Variants in ADGRE5 observed in about 807,000 individuals in gnomAD.
ADGRE5 encodes CD97 molecule.
In ADGRE5, 72 loss-of-function variants were observed where a neutral mutation model predicts 100.3. The observed-to-expected ratio is 0.72, with a 90% CI of 0.59 to 0.87. The LOEUF is 0.87. Ranked by LOEUF, ADGRE5 falls within the 40% of genes least tolerant of loss-of-function variation. The pLI, the probability that ADGRE5 is intolerant of heterozygous loss-of-function variation, is 0.00. For synonymous variants in ADGRE5, 439 were observed against 447.8 expected, an observed-to-expected ratio of 0.98 and a Z score of 0.25; for missense variants, 959 against 1,094.7, an observed-to-expected ratio of 0.88 and a Z score of 1.75.
chr19:14,400,686 G>C (rs924617042), intron 9 of ADGRE5, among the ~76,000 whole-genome samples: 1 of 151,994 alleles, frequency 6.6e-6, no homozygotes, highest in African/African-American at 2.4e-5. Flanking sequence ...TAGCTACTAG[G>C]GAGGCTGAGG....
In ADGRE5 at chr19:14,401,839, T is replaced by C. The variant is rs1976025645; in HGVS notation, c.1183+79T>C. The stretch of plus-strand genomic sequence containing the variant: ...GATGGGGCCAGGGTGAGGTTCAGAA[T>C]AGAACAACTGACTGGGCGCGGTGGC... On this transcript the variant is annotated intron_variant, in intron 11 of 19. Coordinates refer to ENST00000242786, the MANE Select transcript of ADGRE5 (RefSeq NM_078481.4). The surrounding 1 kb of genome is among the most constrained non-coding windows in gnomAD (Gnocchi z 4.1). 9.0e-6 allele frequency: 9 copies of C among 999,798 alleles called. No individual in the cohort carries two copies. Among genetic ancestry groups the C allele is most frequent in the Non-Finnish European group, 1.3e-5 (9 of 693,742 alleles). The allele number at this position is 999,798 out of a possible 1,614,324, so 61.9% of individuals were successfully genotyped here.
At chr19:14,393,360 C>T (rs888800510) in intron 4 of ADGRE5, among the ~76,000 whole-genome samples, 5 of 152,214 alleles carry the variant, frequency 3.3e-5, no homozygotes, top group African/African-American at 4.8e-5. Context: ...TCTACCCCTG[C>T]GCAGAGGCCA....
chr19:14,400,051 G>A (rs1287518158), intron 9 of ADGRE5, among the ~76,000 whole-genome samples: 6 of 150,556 alleles, frequency 4.0e-5, no homozygotes, highest in East Asian at 2.0e-4. Context: ...ACGGAGTCTC[G>A]CTCTGTCGCC....
At chr19:14,384,818 T>C (rs192608793) in intron 1 of ADGRE5, among the ~76,000 whole-genome samples, 48 of 151,982 alleles carry the variant, frequency 3.2e-4, no homozygotes, top group Non-Finnish European at 6.0e-4. Context: ...TGTCTGTCTC[T>C]ATCTCTCCGT....
chr19:14,390,530 G>A (rs1413610674), intron 3 of ADGRE5, among the ~76,000 whole-genome samples: 2 of 152,028 alleles, frequency 1.3e-5, no homozygotes, highest in South Asian at 4.1e-4. Flanking sequence ...TGCCATCTTG[G>A]CCAGGCTGGT....
chr19:14,406,013 C>G lies in ADGRE5; in HGVS notation c.1821+74C>G. 1 of 1,347,838 alleles carries G rather than the reference C, an allele frequency of 7.4e-7. No individual in the cohort carries two copies. Among genetic ancestry groups the G allele is most frequent in the Non-Finnish European group, 1.0e-6 (1 of 999,736 alleles). The allele number at this position is 1,347,838 out of a possible 1,614,324, so 83.5% of individuals were successfully genotyped here. ...GGGAGGGGTTAGCCCCGCCCACTCCCGGGGCTCAGTCGGGTAGGCGGGCCC... is the reference window on the plus strand; with the variant it reads ...GGGAGGGGTTAGCCCCGCCCACTCCGGGGGCTCAGTCGGGTAGGCGGGCCC... On this transcript the variant is annotated intron_variant, in intron 14 of 19. Transcript: ENST00000242786. The surrounding 1 kb of genome is among the most constrained non-coding windows in gnomAD (Gnocchi z 6.0).
At chr19:14,400,434 G>A (rs903394700) in intron 9 of ADGRE5, among the ~76,000 whole-genome samples, 5 of 152,056 alleles carry the variant, frequency 3.3e-5, no homozygotes, top group African/African-American at 7.2e-5. Flanking sequence ...AAGTACAGGC[G>A]TGCACCACCG....
chr19:14,408,097 C>T lies in ADGRE5; in HGVS notation c.2484C>T (p.Leu828=), dbSNP rs1976359660. The change falls in exon 20 of 20, where the codon CTC becomes CTT. Residue 828 remains leucine, a synonymous_variant. Coordinates refer to ENST00000242786, the MANE Select transcript of ADGRE5 (RefSeq NM_078481.4). ...CTCTGGGCTCTCCTCTCCAGGCCCT[C>T]AGGGCATCAGAGTCCGGCATATGAA... ...SGTGHNQTRA[L]RASESGI 1 of 1,613,718 alleles carries T rather than the reference C, an allele frequency of 6.2e-7. No individual in the cohort carries two copies. The highest frequency in any genetic ancestry group is 1.3e-5 in the African/African-American group (1 of 74,930).
At position 14,408,194 on chromosome 19, in the gene ADGRE5, C is replaced by T; in HGVS notation, c.*73C>T. ...TTTGTACACGAAGACCATCCATCCT[C>T]CCTTCGTCCACCACTCTACTCCCTC... is the stretch of plus-strand genomic sequence containing the variant. On this transcript the variant is annotated 3_prime_UTR_variant, in exon 20 of 20. Transcript: ENST00000242786. 1 of 1,515,124 alleles carries T rather than the reference C, an allele frequency of 6.6e-7. No homozygotes were observed. The highest frequency in any genetic ancestry group is 9.1e-7 in the Non-Finnish European group (1 of 1,100,014). 93.9% of individuals were successfully genotyped at this position (1,515,124 alleles called of 1,614,324 possible).
intron 4 of ADGRE5, among the ~76,000 whole-genome samples, chr19:14,393,939 T>TCAG (rs1487950673): frequency 1.3e-5 from 2 of 152,204 alleles, no homozygotes; most frequent in Non-Finnish European, 2.9e-5. Context: ...GGGCTGGTTT[T>TCAG]CAGCCCCTGC....
At position 14,390,952 on chromosome 19, in the gene ADGRE5, A is replaced by G. The variant is rs2146353806; in HGVS notation, c.219A>G (p.Lys73=). The change falls in exon 4 of 20, where the codon AAA becomes AAG. Residue 73 remains lysine, a synonymous_variant. Coordinates refer to ENST00000242786, the MANE Select transcript of ADGRE5 (RefSeq NM_078481.4). ...TCAACGAGTGTGCAACACCGTCGAA[A>G]GTGTCATGCGGAAAATTCTCGGACT... ...DDINECATPS[K]VSCGKFSDCW... is the part of the protein sequence containing the mutation. 6.2e-7 allele frequency: 1 copy of G among 1,614,208 alleles called. No individual in the cohort carries two copies. The highest frequency in any genetic ancestry group is 2.2e-5 in the East Asian group (1 of 44,882).
Position 14,404,499 on chromosome 19 carries a change from C to T in ADGRE5, c.1566C>T (p.Ser522=), listed in dbSNP as rs761443733. The change falls in exon 13 of 20, where the codon AGC becomes AGT. Residue 522 remains serine, a synonymous_variant. Coordinates refer to ENST00000242786, the MANE Select transcript of ADGRE5 (RefSeq NM_078481.4). ...GCQVLGSKNG[S]TTCQCSHLSS... is the part of the protein sequence containing the mutation. ...AGGTGCTGGGCAGCAAGAACGGCAG[C>T]ACCACCTGCCAATGCAGCCACCTGA... 5.6e-6 allele frequency: 9 copies of T among 1,611,724 alleles called. No homozygotes were observed. The South Asian group carries it at 8.8e-5, about 16-fold the overall frequency.
Position 14,397,284 on chromosome 19 carries a change from G to A in ADGRE5, c.625+61G>A. On this transcript the variant is annotated intron_variant, in intron 6 of 19. Transcript: ENST00000242786. The stretch of plus-strand genomic sequence containing the variant: ...CAAACATCTGATCACATGTTCAACG[G>A]CGCCCACACAAACCAAGCAGAATGA... 12 of 1,609,202 alleles carry A rather than the reference G, an allele frequency of 7.5e-6. No homozygotes were observed. The South Asian group carries it at 1.3e-4, about 18-fold the overall frequency.
At position 14,406,750 on chromosome 19, in the gene ADGRE5, T is replaced by A; in HGVS notation, c.2099T>A (p.Val700Glu). Residue 700 changes from valine to glutamate, a missense_variant, in exon 16 of 20, where the codon GTG becomes GAG. Around this residue, in one of 6 missense-constraint regions of ADGRE5, gnomAD observed 428 missense variants for 386.2 expected, o/e 1.11. Transcript: ENST00000242786. This position sits in a 1 kb window ranked among gnomAD's most constrained non-coding sequence, Gnocchi z 6.0. ...QGFLWSFLGP[V>E]TFIILCNAVI... ...TTCCTCTGGAGCTTCTTGGGACCTGTGACCTTCATCATTTTGGTAAGTACC... is the reference window on the plus strand; with the variant it reads ...TTCCTCTGGAGCTTCTTGGGACCTGAGACCTTCATCATTTTGGTAAGTACC... 6.2e-7 allele frequency: 1 copy of A among 1,614,166 alleles called. No homozygotes were observed. Among genetic ancestry groups the A allele is most frequent in the Non-Finnish European group, 8.5e-7 (1 of 1,180,014 alleles).
At chr19:14,407,847 GGGA>G in intron 18 of ADGRE5, 58 bp from the exon 19 acceptor site, 1 of 1,388,868 alleles carries the variant, frequency 7.2e-7, no homozygotes, top group Non-Finnish European at 1.0e-6. Flanking sequence ...GCAGAGCATG[GGGA>G]GGAGCGTGCA....
chr19:14,405,120 C>G lies in ADGRE5; in HGVS notation c.1629+558C>G, dbSNP rs547163247. On this transcript the variant is annotated intron_variant, in intron 13 of 19. Coordinates refer to ENST00000242786, the MANE Select transcript of ADGRE5 (RefSeq NM_078481.4). ...TCGGCCTCCCGAAGTGCTGGGCTTA[C>G]AGGTGTCAGCCACCGCACCCGGCCT... The G allele has an allele frequency of 8.4e-5, 13 of 154,482 alleles. No individual in the cohort carries two copies. The South Asian group carries it at 2.4e-3, about 29-fold the overall frequency. The allele number at this position is 154,482 out of a possible 1,614,324, so 9.6% of individuals were successfully genotyped here.
intron 4 of ADGRE5, among the ~76,000 whole-genome samples, chr19:14,392,382 C>A (rs1304110078): frequency 6.6e-6 from 1 of 151,348 alleles, no homozygotes; most frequent in African/African-American, 2.4e-5. Flanking sequence ...CTCACTGCAA[C>A]CTCCGCCTCC....
In ADGRE5 at chr19:14,405,908, TC is replaced by T. The variant is rs748121922; in HGVS notation, c.1792del (p.Leu598TrpfsTer33). On this transcript the variant is annotated frameshift_variant, in exon 14 of 20. Coordinates refer to ENST00000242786, the MANE Select transcript of ADGRE5 (RefSeq NM_078481.4). LOFTEE classifies it high-confidence loss of function. ...TGCCTCTTCGTGGGCTCCACCATCT[TC>T]CTGGCCGGCATCGAGAACGAAGGCG... is the stretch of plus-strand genomic sequence containing the variant. ...CICLFVGSTI[F>X]LAGIENEGGQ... The T allele has an allele frequency of 6.2e-6, 10 of 1,610,706 alleles. No homozygotes were observed. Among genetic ancestry groups the T allele is most frequent in the Non-Finnish European group, 8.5e-7 (1 of 1,179,950 alleles).
At chr19:14,388,851 C>T in intron 3 of ADGRE5, 33 bp downstream of exon 3, 3 of 1,594,686 alleles carry the variant, frequency 1.9e-6, no homozygotes, top group Non-Finnish European at 2.6e-6. Flanking sequence ...CAGGGGACAT[C>T]CGCGATTATG....
Sources: gnomAD v4.1 joint callset for allele counts (sites outside exome capture counted in the v4.1 genomes callset) on GRCh38, gnomAD v4.1.1 for gene constraint, gnomAD v4.1.1 regional missense constraint, Gnocchi (gnomAD v3.1) non-coding constraint, MANE v1.5 for transcripts, NCBI Gene and HGNC (gene_info 2026-07-23, HGNC 2026-07-21) for gene names.